Variants in ERBB4 observed in about 807,000 individuals in gnomAD.
ERBB4 encodes erb-b2 receptor tyrosine kinase 4, also known as receptor tyrosine-protein kinase erbB-4.
Under a neutral mutation model 158.0 loss-of-function variants are expected in ERBB4, and 42 were observed. That is an observed-to-expected ratio of 0.27 (90% CI 0.21 to 0.34). The LOEUF is 0.34. Ranked by LOEUF, ERBB4 falls within the 10% of genes least tolerant of loss-of-function variation. The pLI, the probability that ERBB4 is intolerant of heterozygous loss-of-function variation, is 1.00. For synonymous variants in ERBB4, 583 were observed against 558.7 expected (o/e 1.04, Z -0.61); for missense variants, 1,333 against 1,624.1 (o/e 0.82, Z 3.08).
chr2:212,448,158 T>C (rs1036241021), intron 1 of ERBB4, among the ~76,000 whole-genome samples: 3 of 152,128 alleles, frequency 2.0e-5, no homozygotes, highest in African/African-American at 7.2e-5. Context: ...CATGTCAGGG[T>C]ACAGGCACTC....
In ERBB4 at chr2:212,438,717, T is replaced by C. The variant is rs563872010; in HGVS notation, c.82+99732A>G. 2.0e-5 allele frequency among the ~76,000 whole-genome samples: 3 copies of C among 152,250 alleles called. No individual in the cohort carries two copies. In the South Asian group the frequency reaches 6.2e-4, roughly 32 times the overall value. On this transcript the variant is annotated intron_variant, in intron 1 of 27. Transcript: ENST00000342788. ...TTCCTTAGCTTCCCGTTAATCTGTA[T>C]ATTTAATATAATTTCAATCAAAATT... is the stretch of plus-strand genomic sequence containing the variant.
intron 1 of ERBB4, among the ~76,000 whole-genome samples, chr2:212,387,721 T>C (rs2090725461): frequency 6.6e-6 from 1 of 152,042 alleles, no homozygotes; most frequent in Non-Finnish European, 1.5e-5. Context: ...CCCTGCAAAT[T>C]AGAACACATT....
chr2:212,298,033 T>C (rs2086478597), intron 1 of ERBB4, among the ~76,000 whole-genome samples: 1 of 151,850 alleles, frequency 6.6e-6, no homozygotes, highest in Admixed American at 6.6e-5. Context: ...TTATGTTTTG[T>C]TTGAAATGTA....
At chr2:212,387,415 C>T (rs2090712966) in intron 1 of ERBB4, among the ~76,000 whole-genome samples, 1 of 151,834 alleles carries the variant, frequency 6.6e-6, no homozygotes, top group African/African-American at 2.4e-5. Context: ...CAACTGAAGT[C>T]TTACTTTGAT....
At chr2:211,932,018 T>G (rs2080190913) in intron 3 of ERBB4, among the ~76,000 whole-genome samples, 1 of 152,102 alleles carries the variant, frequency 6.6e-6, no homozygotes. Context: ...CTTTCTTTGT[T>G]GCAGTGCGAG....
chr2:212,461,290 A>G (rs2106071376), intron 1 of ERBB4, among the ~76,000 whole-genome samples: 1 of 152,314 alleles, frequency 6.6e-6, no homozygotes, highest in Non-Finnish European at 1.5e-5. Flanking sequence ...GCAGCCAGGA[A>G]GGAGGCTGTA....
chr2:212,277,703 T>C (rs192137278), intron 1 of ERBB4, among the ~76,000 whole-genome samples: 1 of 151,862 alleles, frequency 6.6e-6, no homozygotes. Context: ...GCATGCTTAT[T>C]ATTTGCTTTT....
chr2:211,994,345 C>G (rs2082147461), intron 2 of ERBB4, among the ~76,000 whole-genome samples: 3 of 152,070 alleles, frequency 2.0e-5, no homozygotes, highest in African/African-American at 7.2e-5. Context: ...GTTGCCAAGT[C>G]TGGCCTCAAA....
chr2:211,835,663 T>G (rs1479526334), intron 3 of ERBB4, among the ~76,000 whole-genome samples: 1 of 152,076 alleles, frequency 6.6e-6, no homozygotes, highest in Non-Finnish European at 1.5e-5. Context: ...TTCAAAGAAT[T>G]CAGTCTTTGA....
At chr2:212,512,834 C>G (rs1294072464) in intron 1 of ERBB4, among the ~76,000 whole-genome samples, 1 of 152,032 alleles carries the variant, frequency 6.6e-6, no homozygotes, top group African/African-American at 2.4e-5. Context: ...AAGAAAAGCC[C>G]CTAGCAGAAC....
chr2:211,691,434 ACT>A, intron 12 of ERBB4, among the ~76,000 whole-genome samples: 1 of 152,146 alleles, frequency 6.6e-6, no homozygotes, highest in Non-Finnish European at 1.5e-5. Context: ...TTGAGAAACT[ACT>A]TTTTGCTAGC....
intron 2 of ERBB4, among the ~76,000 whole-genome samples, chr2:212,028,100 C>T (rs997981899): frequency 6.6e-6 from 1 of 152,066 alleles, no homozygotes; most frequent in Non-Finnish European, 1.5e-5. Flanking sequence ...TGAATGCCAA[C>T]ACTTCCTTCA....
At chr2:211,721,275 T>C (rs2074080623) in intron 7 of ERBB4, among the ~76,000 whole-genome samples, 1 of 152,204 alleles carries the variant, frequency 6.6e-6, no homozygotes, top group East Asian at 1.9e-4. Context: ...ATTTTTGGAT[T>C]GTGGATGCTC....
chr2:212,253,815 T>A (rs1476256610), intron 1 of ERBB4, among the ~76,000 whole-genome samples: 1 of 152,192 alleles, frequency 6.6e-6, no homozygotes, highest in Non-Finnish European at 1.5e-5. Flanking sequence ...TTTTGGTCAC[T>A]GTGGGAACAT....
At chr2:211,830,086 A>G (rs928780724) in intron 3 of ERBB4, among the ~76,000 whole-genome samples, 1 of 152,132 alleles carries the variant, frequency 6.6e-6, no homozygotes, top group Non-Finnish European at 1.5e-5. Context: ...TCCTAACACT[A>G]GCACACTGCT....
At chr2:212,240,407 G>A (rs2084039776) in intron 1 of ERBB4, among the ~76,000 whole-genome samples, 1 of 151,836 alleles carries the variant, frequency 6.6e-6, no homozygotes, top group Non-Finnish European at 1.5e-5. Flanking sequence ...AGCACCTTGG[G>A]AAGCCGAGAT....
chr2:211,938,904 T>C (rs1174285285), intron 3 of ERBB4, among the ~76,000 whole-genome samples: 1 of 152,188 alleles, frequency 6.6e-6, no homozygotes, highest in Non-Finnish European at 1.5e-5. Context: ...TTAAGTCTAT[T>C]AATAAATGTT....
At chr2:211,684,854 T>C (rs2072499231) in intron 12 of ERBB4, among the ~76,000 whole-genome samples, 1 of 152,166 alleles carries the variant, frequency 6.6e-6, no homozygotes, top group Non-Finnish European at 1.5e-5. Context: ...GTCATAGTTT[T>C]CCAGCCCCTT....
intron 18 of ERBB4, among the ~76,000 whole-genome samples, chr2:211,619,991 A>G (rs767507426): frequency 3.3e-5 from 5 of 152,132 alleles, no homozygotes; most frequent in Non-Finnish European, 7.4e-5. Context: ...TAATTATAAT[A>G]TCTGAACAGG....
Sources: allele counts gnomAD v4.1 joint callset (sites outside exome capture counted in the v4.1 genomes callset), GRCh38; gene constraint gnomAD v4.1.1; transcripts MANE v1.5; gene names NCBI Gene and HGNC (gene_info 2026-07-23, HGNC 2026-07-21).